Variants in HIVEP2 observed in about 807,000 individuals in gnomAD.
The protein encoded by HIVEP2 is HIVEP zinc finger 2.
HIVEP2 carries 14 observed loss-of-function variants against 180.7 expected under a neutral mutation model. The ratio of observed to expected loss-of-function variants is 0.08; its 90% CI spans 0.05 to 0.12. The LOEUF (loss-of-function observed/expected upper bound fraction) is 0.12, where lower values mean the gene tolerates loss of function less well. Ranked by LOEUF, HIVEP2 falls within the 10% of genes least tolerant of loss-of-function variation. HIVEP2 has a pLI of 1.00. For missense variants in HIVEP2, 2,579 were observed against 3,008.5 expected, an observed-to-expected ratio of 0.86 and a Z score of 3.34; for synonymous variants, 1,184 against 1,136.4, an observed-to-expected ratio of 1.04 and a Z score of -0.84.
intron 7 of HIVEP2, among the ~76,000 whole-genome samples, chr6:142,762,452 G>GCA (rs35168499): frequency 0.033 from 4,754 of 143,972 alleles, 107 homozygotes; most frequent in Non-Finnish European, 0.046. Flanking sequence ...ACAGAAGAAT[G>GCA]CACACACACA....
intron 2 of HIVEP2, among the ~76,000 whole-genome samples, chr6:142,801,191 C>CA (rs10717703): frequency 0.045 from 3,931 of 86,920 alleles, 314 homozygotes; most frequent in African/African-American, 0.16. Context: ...TGGCCAGTGT[C>CA]AAAAAAAAAA....
intron 2 of HIVEP2, among the ~76,000 whole-genome samples, chr6:142,834,794 G>C (rs1312917834): frequency 3.3e-5 from 5 of 151,802 alleles, no homozygotes; most frequent in African/African-American, 7.3e-5. Flanking sequence ...GGGAGGAGTT[G>C]GGCACATTTT....
chr6:142,846,632 G>C (rs1775522713), intron 1 of HIVEP2, among the ~76,000 whole-genome samples: 1 of 152,186 alleles, frequency 6.6e-6, no homozygotes, highest in South Asian at 2.1e-4. Context: ...AAGGACTTAA[G>C]GTGAAGCATG....
intron 2 of HIVEP2, among the ~76,000 whole-genome samples, chr6:142,834,512 T>C (rs1425942239): frequency 6.6e-6 from 1 of 152,146 alleles, no homozygotes; most frequent in Non-Finnish European, 1.5e-5. Context: ...ATATCCAATG[T>C]AGTGACAGCA....
At chr6:142,942,990 G>C (rs1308486728) in intron 1 of HIVEP2, among the ~76,000 whole-genome samples, 1 of 152,068 alleles carries the variant, frequency 6.6e-6, no homozygotes, top group Non-Finnish European at 1.5e-5. Context: ...AAACCTAGTG[G>C]TCAAAGGGAT....
intron 1 of HIVEP2, among the ~76,000 whole-genome samples, chr6:142,926,371 A>T (rs1320349443): frequency 6.6e-6 from 1 of 152,220 alleles, no homozygotes; most frequent in Non-Finnish European, 1.5e-5. Context: ...ATTTTCTTGT[A>T]ATGATTCTGT....
intron 2 of HIVEP2, among the ~76,000 whole-genome samples, chr6:142,803,098 C>A (rs957868630): frequency 3.9e-5 from 6 of 152,080 alleles, no homozygotes; most frequent in Admixed American, 6.5e-5. Context: ...TAAATGTCTG[C>A]ATTTGACCAG....
At chr6:142,894,956 C>T (rs559906842) in intron 1 of HIVEP2, among the ~76,000 whole-genome samples, 1 of 152,250 alleles carries the variant, frequency 6.6e-6, no homozygotes, top group South Asian at 2.1e-4. Context: ...TGAAAGTCGC[C>T]TTGATAATTC....
intron 2 of HIVEP2, among the ~76,000 whole-genome samples, chr6:142,824,680 G>A (rs954453802): frequency 1.3e-5 from 2 of 152,142 alleles, no homozygotes; most frequent in African/African-American, 2.4e-5. Context: ...CCTCGTAGCC[G>A]TGTAACACAA....
At chr6:142,895,650 A>ACTCT (rs1776967687) in intron 1 of HIVEP2, among the ~76,000 whole-genome samples, 1 of 152,068 alleles carries the variant, frequency 6.6e-6, no homozygotes, top group Non-Finnish European at 1.5e-5. Flanking sequence ...CATAAACTTC[A>ACTCT]CTCTCTAGAC....
At chr6:142,907,567 C>T (rs944893795) in intron 1 of HIVEP2, among the ~76,000 whole-genome samples, 1 of 152,216 alleles carries the variant, frequency 6.6e-6, no homozygotes, top group African/African-American at 2.4e-5. Flanking sequence ...TTCCTTTTCA[C>T]CTCTGTAATT....
intron 1 of HIVEP2, among the ~76,000 whole-genome samples, chr6:142,889,279 T>A (rs190911037): frequency 6.6e-6 from 1 of 152,242 alleles, no homozygotes; most frequent in Non-Finnish European, 1.5e-5. Context: ...GAGACCAGCC[T>A]GGGCAACAAA....
At chr6:142,924,169 T>C (rs1187921664) in intron 1 of HIVEP2, among the ~76,000 whole-genome samples, 3 of 152,248 alleles carry the variant, frequency 2.0e-5, no homozygotes, top group African/African-American at 7.2e-5. Context: ...TAAATGTTTA[T>C]TGTGCATCTG....
intron 1 of HIVEP2, among the ~76,000 whole-genome samples, chr6:142,881,600 C>T (rs1017340274): frequency 3.3e-5 from 5 of 152,078 alleles, no homozygotes; most frequent in African/African-American, 9.7e-5. Context: ...CATCTGTATT[C>T]GAAAATATGG....
rs961946756 is a variant in HIVEP2, at chr6:142,760,093, T to C, written c.6195A>G (p.Ile2065Met). 2.5e-6 allele frequency: 4 copies of C among 1,614,032 alleles called. No homozygotes were observed. In the African/African-American group the frequency reaches 5.3e-5, roughly 22 times the overall value. ...TCCTGGGAGATAAATCTCCTTTGGG[T>C]ATCAGATACCTCTTTGGTGAATTAT... ...CRDNSPKRYL[I>M]PKGDLSPRRH... Residue 2065 changes from isoleucine (I) to methionine (M), a missense_variant, in exon 9 of 10, where the codon ATA becomes ATG. Coordinates refer to ENST00000367603, the MANE Select transcript of HIVEP2 (RefSeq NM_006734.4).
At chr6:142,767,603 C>G (rs548765915) in intron 6 of HIVEP2, among the ~76,000 whole-genome samples, 1 of 152,160 alleles carries the variant, frequency 6.6e-6, no homozygotes, top group Non-Finnish European at 1.5e-5. Flanking sequence ...GTGGTTAGCA[C>G]GCTTCAAAAT....
intron 5 of HIVEP2, 72 bp from the exon 6 acceptor site, chr6:142,768,608 C>A (rs1775434666): frequency 6.8e-7 from 1 of 1,472,066 alleles, no homozygotes; most frequent in Admixed American, 2.1e-5. Flanking sequence ...TCCCACTCTT[C>A]CATCATCTCT....
In HIVEP2 at chr6:142,753,371, C is replaced by G; in HGVS notation, c.7077G>C (p.Gln2359His). The G allele has an allele frequency of 6.2e-7, 1 of 1,614,064 alleles. No individual in the cohort carries two copies. Among genetic ancestry groups the G allele is most frequent in the Non-Finnish European group, 8.5e-7 (1 of 1,180,036 alleles). ...TAACATGTGCACTTCCCAGGGGGTT[C>G]TGGTGGGGCTCCTGCACCCGCGCTG... ...DQPARVQEPH[Q>H]NPLGSAHVSI... The change falls in exon 10 of 10, where the codon CAG becomes CAC. Residue 2359 changes from glutamine to histidine, a missense_variant. Transcript: ENST00000367603.
intron 2 of HIVEP2, among the ~76,000 whole-genome samples, chr6:142,791,555 T>C (rs1776138624): frequency 6.6e-6 from 1 of 152,220 alleles, no homozygotes; most frequent in Non-Finnish European, 1.5e-5. Flanking sequence ...AAGATCCTAT[T>C]GGGCAAATTC....
Sources: gnomAD v4.1 joint callset for allele counts (sites outside exome capture counted in the v4.1 genomes callset) on GRCh38, gnomAD v4.1.1 for gene constraint, MANE v1.5 for transcripts, NCBI Gene and HGNC (gene_info 2026-07-23, HGNC 2026-07-21) for gene names.